The following NCOA3 variants were observed in gnomAD, a reference collection of about 807,000 sequenced individuals.
NCOA3 encodes the protein CBP-interacting protein.
A neutral mutation model predicts 158.8 loss-of-function variants in NCOA3; 51 were observed. The observed-to-expected ratio is 0.32, with a 90% CI of 0.26 to 0.41. The LOEUF is 0.41. NCOA3 is among the 10% of genes least tolerant of loss of function. The pLI is 1.00. For missense variants in NCOA3, 1,510 were observed against 1,746.6 expected, an observed-to-expected ratio of 0.86 and a Z score of 2.41; for synonymous variants, 537 against 592.4, an observed-to-expected ratio of 0.91 and a Z score of 1.36.
intron 13 of NCOA3, 108 bp downstream of exon 13, chr20:47,637,891 A>C: frequency 1.0e-6 from 1 of 995,836 alleles, no homozygotes; most frequent in African/African-American, 1.7e-5. Context: ...TTATAACTTC[A>C]GAACATATAT....
chr20:47,531,356 C>CAAAT (rs2084542938), intron 1 of NCOA3, among the ~76,000 whole-genome samples: 2 of 151,884 alleles, frequency 1.3e-5, no homozygotes, highest in South Asian at 4.2e-4. Flanking sequence ...AACAAACAAA[C>CAAAT]AAACAAACAA....
intron 2 of NCOA3, among the ~76,000 whole-genome samples, chr20:47,605,711 C>T (rs529136783): frequency 3.5e-4 from 54 of 152,162 alleles, no homozygotes; most frequent in African/African-American, 1.3e-3. Context: ...TAATTTATTG[C>T]TTTATATTTC....
intron 2 of NCOA3, among the ~76,000 whole-genome samples, chr20:47,614,753 ATAT>A (rs2086105531): frequency 6.6e-6 from 1 of 152,182 alleles, no homozygotes; most frequent in Non-Finnish European, 1.5e-5. Flanking sequence ...GTTATGGGTA[ATAT>A]TAGACCACCA....
At chr20:47,629,845 G>A (rs1347168511) in intron 8 of NCOA3, among the ~76,000 whole-genome samples, 1 of 152,146 alleles carries the variant, frequency 6.6e-6, no homozygotes, top group Non-Finnish European at 1.5e-5. Context: ...TTAGCAAGTA[G>A]CATCTTTGAA....
At chr20:47,564,777 G>A (rs1352463744) in intron 1 of NCOA3, among the ~76,000 whole-genome samples, 5 of 152,014 alleles carry the variant, frequency 3.3e-5, no homozygotes, top group Admixed American at 1.3e-4. Context: ...GGTTGTGCAC[G>A]TTTTCATGTG....
chr20:47,633,500 G>T lies in NCOA3; in HGVS notation c.828G>T (p.Lys276Asn), dbSNP rs780836013. The part of the protein sequence containing the change: ...SFITRHDLSG[K>N]VVNIDTNSLR... ...TTTCCTTTTTTTGTTTAATAGGAAA[G>T]GTTGTCAATATAGATACAAATTCAC... Residue 276 changes from lysine (K) to asparagine (N), a missense_variant, in exon 9 of 23, where the codon AAG (lysine) becomes AAT (asparagine). Around this residue, in one of 4 missense-constraint regions of NCOA3, gnomAD observed 309 missense variants for 427.1 expected, o/e 0.72. Transcript: ENST00000371998. The T allele has an allele frequency of 2.3e-5, 37 of 1,603,838 alleles. No individual in the cohort carries two copies. Among genetic ancestry groups the T allele is most frequent in the Non-Finnish European group, 3.0e-5 (35 of 1,177,154 alleles).
intron 1 of NCOA3, among the ~76,000 whole-genome samples, chr20:47,524,501 G>A (rs951909989): frequency 6.6e-6 from 1 of 152,174 alleles, no homozygotes; most frequent in Non-Finnish European, 1.5e-5. Context: ...TCTAATGAGT[G>A]GGGGAACACC....
At chr20:47,538,762 T>G (rs1468363280) in intron 1 of NCOA3, among the ~76,000 whole-genome samples, 1 of 152,166 alleles carries the variant, frequency 6.6e-6, no homozygotes, top group Admixed American at 6.5e-5. Flanking sequence ...GCCAGGCTGG[T>G]CTCGAACTCC....
chr20:47,530,216 GA>G (rs1413529393), intron 1 of NCOA3, among the ~76,000 whole-genome samples: 1 of 152,148 alleles, frequency 6.6e-6, no homozygotes, highest in Non-Finnish European at 1.5e-5. Context: ...CAAAATTCCT[GA>G]TTGTTTCAAA....
chr20:47,543,528 T>G (rs1602376756), intron 1 of NCOA3, among the ~76,000 whole-genome samples: 1 of 152,096 alleles, frequency 6.6e-6, no homozygotes, highest in East Asian at 1.9e-4. Context: ...TTTTTTCCTT[T>G]GGAGAGAGTC....
chr20:47,649,606 A>T (rs1002520683), intron 19 of NCOA3, among the ~76,000 whole-genome samples: 1 of 148,980 alleles, frequency 6.7e-6, no homozygotes, highest in South Asian at 2.2e-4. Context: ...TGGAGACAGT[A>T]TTGAGGGGTT....
At chr20:47,594,788 A>AT (rs768342979) in intron 2 of NCOA3, among the ~76,000 whole-genome samples, 5,350 of 102,378 alleles carry the variant, frequency 0.052, 660 homozygotes, top group African/African-American at 0.16. Context: ...AGAATACCTG[A>AT]TTTTTTTTTT....
chr20:47,574,070 CAG>C (rs965336518), intron 1 of NCOA3, among the ~76,000 whole-genome samples: 18 of 152,124 alleles, frequency 1.2e-4, no homozygotes, highest in African/African-American at 4.3e-4. Flanking sequence ...GGGAGCACAA[CAG>C]AGTGACAAAA....
intron 1 of NCOA3, among the ~76,000 whole-genome samples, chr20:47,530,622 C>T (rs971690453): frequency 3.3e-5 from 5 of 152,078 alleles, no homozygotes; most frequent in Non-Finnish European, 1.5e-5. Flanking sequence ...GCCACCATGC[C>T]TGGCGAATTT....
intron 2 of NCOA3, among the ~76,000 whole-genome samples, chr20:47,611,842 G>C (rs1484184583): frequency 1.3e-5 from 2 of 151,510 alleles, no homozygotes; most frequent in Admixed American, 6.6e-5. Context: ...TGCCCCTCCA[G>C]ACCAGGGTCT....
chr20:47,627,756 G>A lies in NCOA3; in HGVS notation c.721+7G>A, dbSNP rs995354411. ...ATGATGGAGGAAGGGGAAGGTAAGA[G>A]CTATTATATGTTTGTGATGTTCATG... is the stretch of plus-strand genomic sequence containing the variant. On this transcript the variant is annotated splice_region_variant and intron_variant, in intron 7 of 22. Coordinates refer to ENST00000371998, the MANE Select transcript of NCOA3 (RefSeq NM_181659.3). The A allele has an allele frequency of 1.2e-6, 2 of 1,610,710 alleles. No homozygotes were observed. The highest frequency in any genetic ancestry group is 1.3e-5 in the African/African-American group (1 of 74,748).
In NCOA3 at chr20:47,570,984, A is replaced by G. The variant is rs865926338; in HGVS notation, c.-98-12199A>G. 7.8e-3 allele frequency among the ~76,000 whole-genome samples: 940 copies of G among 120,792 alleles called. 18 individuals are homozygous for G. Among genetic ancestry groups the G allele is most frequent in the African/African-American group, 0.027 (802 of 30,190 alleles). The allele number at this position is 120,792 out of a possible 152,430, so 79.2% of individuals were successfully genotyped here. On this transcript the variant is annotated intron_variant, in intron 1 of 22. Coordinates refer to ENST00000371998, the MANE Select transcript of NCOA3 (RefSeq NM_181659.3). ...CACACACACACAAGTATATACATAT[A>G]TGTGTGTGTGTGTGTGTGTATATAC...
chr20:47,544,836 A>T (rs1411091098), intron 1 of NCOA3, among the ~76,000 whole-genome samples: 1 of 152,184 alleles, frequency 6.6e-6, no homozygotes, highest in Non-Finnish European at 1.5e-5. Context: ...GTTTTTACAG[A>T]TAAATATATA....
chr20:47,643,134 A>T (rs376980394), intron 17 of NCOA3, among the ~76,000 whole-genome samples: 3 of 152,208 alleles, frequency 2.0e-5, no homozygotes, highest in Non-Finnish European at 4.4e-5. Context: ...GGCTGGTCTC[A>T]AACTTCTGAC....
Sources: allele counts gnomAD v4.1 joint callset (sites outside exome capture counted in the v4.1 genomes callset), GRCh38; gene constraint gnomAD v4.1.1; regional missense constraint gnomAD v4.1.1; transcripts MANE v1.5; gene names NCBI Gene and HGNC (gene_info 2026-07-23, HGNC 2026-07-21).